Variants in FAM135B observed in about 807,000 individuals in gnomAD.
FAM135B encodes protein FAM135B.
A neutral mutation model predicts 127.7 loss-of-function variants in FAM135B; 43 were observed. The observed-to-expected ratio is 0.34, with a 90% CI of 0.26 to 0.43. The LOEUF is 0.43. Ranked by LOEUF, FAM135B falls within the 20% of genes least tolerant of loss-of-function variation. FAM135B has a pLI of 1.00. For missense variants in FAM135B, 1,558 were observed against 1,725.6 expected (o/e 0.90, Z 1.72); for synonymous variants, 670 against 665.1 (o/e 1.01, Z -0.11).
intron 1 of FAM135B, among the ~76,000 whole-genome samples, chr8:138,493,351 C>A (rs1355141168): frequency 6.6e-6 from 1 of 152,168 alleles, no homozygotes; most frequent in African/African-American, 2.4e-5. Context: ...TGGTTGGGAC[C>A]ATGACCATCT....
intron 3 of FAM135B, among the ~76,000 whole-genome samples, chr8:138,270,757 CA>C (rs1823315867): frequency 1.3e-5 from 2 of 152,238 alleles, no homozygotes; most frequent in South Asian, 4.1e-4. Flanking sequence ...CCTCATGGCC[CA>C]AACACCTCTT....
intron 3 of FAM135B, among the ~76,000 whole-genome samples, chr8:138,274,518 A>G (rs948746228): frequency 2.0e-5 from 3 of 152,190 alleles, no homozygotes; most frequent in Non-Finnish European, 2.9e-5. Context: ...TTCAGGCACC[A>G]TTGTCATTGA....
At chr8:138,176,522 A>G (rs924151973) in intron 11 of FAM135B, among the ~76,000 whole-genome samples, 21 of 152,156 alleles carry the variant, frequency 1.4e-4, no homozygotes, top group African/African-American at 4.6e-4. Context: ...CCTTGGTGCC[A>G]CCCCCTTACT....
chr8:138,272,642 G>C (rs1433635908), intron 3 of FAM135B, among the ~76,000 whole-genome samples: 1 of 152,214 alleles, frequency 6.6e-6, no homozygotes, highest in Non-Finnish European at 1.5e-5. Flanking sequence ...GCCAGCACTT[G>C]ATAACACTTT....
intron 1 of FAM135B, among the ~76,000 whole-genome samples, chr8:138,372,933 G>A (rs921271307): frequency 1.1e-4 from 16 of 152,182 alleles, no homozygotes; most frequent in Admixed American, 9.8e-4. Context: ...TGCAGACAAA[G>A]GATGAGGTCC....
At chr8:138,255,749 A>C (rs1300224249) in intron 5 of FAM135B, among the ~76,000 whole-genome samples, 4 of 152,300 alleles carry the variant, frequency 2.6e-5, no homozygotes, top group East Asian at 3.9e-4. Context: ...TCTTCTGGCC[A>C]GGGGGTACCT....
At chr8:138,224,219 G>C (rs895546084) in intron 7 of FAM135B, among the ~76,000 whole-genome samples, 12 of 152,156 alleles carry the variant, frequency 7.9e-5, no homozygotes, top group African/African-American at 2.7e-4. Flanking sequence ...GCTAAAGCTA[G>C]GGAAATACCA....
rs138943930 is a variant in FAM135B, at chr8:138,179,005, A to G, written c.874-315T>C. ...CAGTATATCTTTTCCATTTCATTTT[A>G]CTTTCATGTATGTTCTGAGTACAGC... is the stretch of plus-strand genomic sequence containing the variant. On this transcript the variant is annotated intron_variant, in intron 9 of 19. Coordinates refer to ENST00000395297, the MANE Select transcript of FAM135B (RefSeq NM_015912.4). Among the ~76,000 whole-genome samples, 704 of 152,204 alleles carry G rather than the reference A, an allele frequency of 4.6e-3. 5 individuals carry two copies. Among genetic ancestry groups the G allele is most frequent in the Middle Eastern group, 0.044 (13 of 294 alleles).
chr8:138,170,067 AG>A (rs1394734558), intron 11 of FAM135B, among the ~76,000 whole-genome samples: 2 of 152,182 alleles, frequency 1.3e-5, no homozygotes, highest in African/African-American at 4.8e-5. Flanking sequence ...ACCCAACCAT[AG>A]GCAACTGCAA....
At chr8:138,385,456 T>C (rs1162960005) in intron 1 of FAM135B, among the ~76,000 whole-genome samples, 1 of 152,166 alleles carries the variant, frequency 6.6e-6, no homozygotes, top group Non-Finnish European at 1.5e-5. Flanking sequence ...AAGGTAAACA[T>C]TGAGCCCAGT....
intron 1 of FAM135B, among the ~76,000 whole-genome samples, chr8:138,442,267 T>TATATATATATATATATATATACAC (rs34280434): frequency 2.3e-5 from 2 of 86,762 alleles, no homozygotes; most frequent in Non-Finnish European, 4.8e-5. Context: ...TATATATATA[T>TATATATATATATATATATATACAC]ATATATATAT....
At chr8:138,426,542 G>GTA (rs1213734610) in intron 1 of FAM135B, among the ~76,000 whole-genome samples, 2 of 150,590 alleles carry the variant, frequency 1.3e-5, no homozygotes, top group Admixed American at 6.7e-5. Context: ...TATATAATGT[G>GTA]TATATATATA....
At chr8:138,349,142 T>C (rs1829617011) in intron 2 of FAM135B, among the ~76,000 whole-genome samples, 1 of 152,226 alleles carries the variant, frequency 6.6e-6, no homozygotes, top group African/African-American at 2.4e-5. Flanking sequence ...CCCCCTTCAG[T>C]TCACCTGGGC....
chr8:138,183,662 A>G (rs755598713), intron 9 of FAM135B, among the ~76,000 whole-genome samples: 5 of 152,210 alleles, frequency 3.3e-5, no homozygotes, highest in African/African-American at 9.6e-5. Context: ...AAGGATTTTT[A>G]TAACAACAGC....
chr8:138,431,408 C>T (rs550293716), intron 1 of FAM135B, among the ~76,000 whole-genome samples: 14 of 152,242 alleles, frequency 9.2e-5, no homozygotes, highest in Admixed American at 2.6e-4. Context: ...CCTGAAAGAA[C>T]GAGATAATGC....
intron 16 of FAM135B, 170 bp downstream of exon 16, chr8:138,142,842 G>A: frequency 3.7e-6 from 2 of 541,986 alleles, no homozygotes; most frequent in Non-Finnish European, 6.6e-6. Context: ...AGATGAATGT[G>A]TACGCCAGAC....
intron 1 of FAM135B, among the ~76,000 whole-genome samples, chr8:138,374,589 C>A (rs779105325): frequency 6.6e-6 from 1 of 152,108 alleles, no homozygotes. Flanking sequence ...TAACACCAGA[C>A]AACAGACTCT....
At chr8:138,482,946 A>G (rs982297097) in intron 1 of FAM135B, among the ~76,000 whole-genome samples, 21 of 152,272 alleles carry the variant, frequency 1.4e-4, no homozygotes, top group African/African-American at 4.8e-4. Context: ...CCATCTACCC[A>G]AGAATTCATT....
At chr8:138,143,419 G>C (rs1423556258) in intron 15 of FAM135B, among the ~76,000 whole-genome samples, 1 of 152,162 alleles carries the variant, frequency 6.6e-6, no homozygotes, top group Non-Finnish European at 1.5e-5. Context: ...TGCTGCCCCT[G>C]CTTCACAGAG....
Sources: gnomAD v4.1 joint callset for allele counts (sites outside exome capture counted in the v4.1 genomes callset) on GRCh38, gnomAD v4.1.1 for gene constraint, MANE v1.5 for transcripts, NCBI Gene and HGNC (gene_info 2026-07-23, HGNC 2026-07-21) for gene names.